Variants in KCNQ1 observed in about 807,000 individuals in gnomAD.
KCNQ1 encodes the protein potassium voltage-gated channel subfamily Q member 1.
In KCNQ1, 49 loss-of-function variants were observed where a neutral mutation model predicts 72.4. The ratio of observed to expected loss-of-function variants is 0.68; its 90% CI spans 0.54 to 0.86. The LOEUF (loss-of-function observed/expected upper bound fraction) is 0.86. KCNQ1 is among the 40% of genes least tolerant of loss of function. KCNQ1 has a pLI of 0.00. For missense variants in KCNQ1, 790 were observed against 945.1 expected (o/e 0.84, Z 2.15); for synonymous variants, 450 against 412.6 (o/e 1.09, Z -1.10).
At chr11:2,465,589 T>C (rs112720333) in intron 1 of KCNQ1, among the ~76,000 whole-genome samples, 1,744 of 152,318 alleles carry the variant, frequency 0.011, 29 homozygotes, top group African/African-American at 0.039. Context: ...TGCCCCGTGC[T>C]GGCCCCTCTC....
At chr11:2,756,109 G>A (rs1038527416) in intron 11 of KCNQ1, among the ~76,000 whole-genome samples, 5 of 152,178 alleles carry the variant, frequency 3.3e-5, no homozygotes, top group Admixed American at 2.6e-4. Flanking sequence ...CACTTTAAAA[G>A]GGTGGCATCA....
At chr11:2,811,682 C>G (rs552315870) in intron 15 of KCNQ1, among the ~76,000 whole-genome samples, 1 of 152,310 alleles carries the variant, frequency 6.6e-6, no homozygotes, top group African/African-American at 2.4e-5. Flanking sequence ...GCGCGCAGCA[C>G]AAGGGTCAGC....
intron 10 of KCNQ1, chr11:2,649,933 T>C (rs79166627): frequency 0.013 from 5,123 of 398,522 alleles, 156 homozygotes; most frequent in East Asian, 0.079. Flanking sequence ...ATGTGAAATA[T>C]TGTTAGCTTA....
At chr11:2,662,129 C>CTTG (rs1849970483) in intron 11 of KCNQ1, 48 bp downstream of exon 11, 3 of 1,612,012 alleles carry the variant, frequency 1.9e-6, no homozygotes, top group Non-Finnish European at 2.5e-6. Context: ...GGGACTGGAG[C>CTTG]TCAAGGAGTC....
chr11:2,563,278 C>T lies in KCNQ1; in HGVS notation c.478-7350C>T, dbSNP rs1336956906. ...GTCGACCTTCAGCCTTCTCGGAGAA[C>T]ACCGGTTCCACGGCCGGTTGCAACA... is the stretch of plus-strand genomic sequence containing the variant. On this transcript the variant is annotated intron_variant, in intron 2 of 15. Coordinates refer to ENST00000155840, the MANE Select transcript of KCNQ1 (RefSeq NM_000218.3). This position sits in a 1 kb window ranked among gnomAD's most constrained non-coding sequence, Gnocchi z 7.4. Among the ~76,000 whole-genome samples the T allele has an allele frequency of 4.7e-4, 71 of 152,362 alleles. No individual in the cohort carries two copies. Among genetic ancestry groups the T allele is most frequent in the Admixed American group, 4.5e-3 (69 of 15,304 alleles).
chr11:2,592,621 G>T lies in KCNQ1; in HGVS notation c.1393+3767G>T, dbSNP rs1848685189. 6.6e-6 allele frequency among the ~76,000 whole-genome samples: 1 copy of T among 152,200 alleles called. No individual in the cohort carries two copies. Among genetic ancestry groups the T allele is most frequent in the Non-Finnish European group, 1.5e-5 (1 of 68,026 alleles). ...GAAGCGTCACAGACTCCTCATGAAG[G>T]ATGCATGGGGACCCAACCGCATGCC... On this transcript the variant is annotated intron_variant, in intron 10 of 15. Transcript: ENST00000155840. This position sits in a 1 kb window ranked among gnomAD's most constrained non-coding sequence, Gnocchi z 5.2.
At chr11:2,667,816 G>C (rs974783434) in intron 11 of KCNQ1, 8 of 398,558 alleles carry the variant, frequency 2.0e-5, no homozygotes, top group Non-Finnish European at 3.1e-5. Flanking sequence ...CCCTGGTATA[G>C]GGTGGTGGTG....
rs1846052273 is a variant in KCNQ1 at position 2,447,274 on chromosome 11, G to GGGGTGGCTTCTGGGGACAGGGGCA, written c.386+1793_386+1816dup. Among the ~76,000 whole-genome samples, 1 of 152,208 alleles carries GGGGTGGCTTCTGGGGACAGGGGCA rather than the reference G, an allele frequency of 6.6e-6. No individual in the cohort carries two copies. Among genetic ancestry groups the GGGGTGGCTTCTGGGGACAGGGGCA allele is most frequent in the Non-Finnish European group, 1.5e-5 (1 of 68,036 alleles). ...CAGCCTCCGCAGAGCTGGCAAGGCAGGGGTGGCTTCTGGGGACAGGGGCAG... is the reference window on the plus strand; with the variant it reads ...CAGCCTCCGCAGAGCTGGCAAGGCAGGGGTGGCTTCTGGGGACAGGGGCAGGGTGGCTTCTGGGGACAGGGGCAG... On this transcript the variant is annotated intron_variant, in intron 1 of 15. Coordinates refer to ENST00000155840, the MANE Select transcript of KCNQ1 (RefSeq NM_000218.3). The surrounding 1 kb of genome is among the most constrained non-coding windows in gnomAD (Gnocchi z 7.6).
intron 1 of KCNQ1, among the ~76,000 whole-genome samples, chr11:2,505,429 G>A (rs1306590359): frequency 6.6e-6 from 1 of 152,136 alleles, no homozygotes; most frequent in Non-Finnish European, 1.5e-5. Flanking sequence ...GTGCACTTGG[G>A]ATGCACATGC....
chr11:2,754,917 A>G (rs2283227), intron 11 of KCNQ1, among the ~76,000 whole-genome samples: 2,592 of 152,308 alleles, frequency 0.017, 119 homozygotes, highest in East Asian at 0.14. Context: ...CAAGTTGCAG[A>G]CTGGCGATTG....
chr11:2,688,418 C>A (rs1322279921), intron 11 of KCNQ1: 2 of 398,678 alleles, frequency 5.0e-6, no homozygotes, highest in Non-Finnish European at 8.8e-6. Context: ...TGTGTAGGCA[C>A]TGGGCCCCAG....
At chr11:2,770,139 C>A (rs1304875768) in intron 12 of KCNQ1, among the ~76,000 whole-genome samples, 2 of 152,164 alleles carry the variant, frequency 1.3e-5, no homozygotes, top group East Asian at 3.9e-4. Flanking sequence ...GTCTTTCACA[C>A]CAGGCCACAC....
intron 11 of KCNQ1, among the ~76,000 whole-genome samples, chr11:2,741,105 A>G (rs1469970049): frequency 6.6e-6 from 1 of 152,180 alleles, no homozygotes. Context: ...GCTTGGACAC[A>G]TGACCAGCTC....
chr11:2,707,818 C>T (rs542684251), intron 11 of KCNQ1, among the ~76,000 whole-genome samples: 64 of 152,370 alleles, frequency 4.2e-4, no homozygotes, highest in Middle Eastern at 6.8e-3. Flanking sequence ...ATCCCTCCCC[C>T]TCTGCCACAC....
At chr11:2,630,423 T>C (rs962788730) in intron 10 of KCNQ1, 6 of 398,260 alleles carry the variant, frequency 1.5e-5, no homozygotes, top group Middle Eastern at 6.2e-4. Flanking sequence ...ATGCTAGCCT[T>C]GTAAAATAAG....
intron 15 of KCNQ1, among the ~76,000 whole-genome samples, chr11:2,843,638 G>A (rs140226783): frequency 3.3e-4 from 51 of 152,372 alleles, no homozygotes; most frequent in East Asian, 1.9e-3. Context: ...GGTCCTAGGC[G>A]GGGATCAAGG....
At chr11:2,560,222 G>A (rs1471760606) in intron 2 of KCNQ1, among the ~76,000 whole-genome samples, 1 of 76,586 alleles carries the variant, frequency 1.3e-5, no homozygotes, top group Non-Finnish European at 2.6e-5. Context: ...GAGGCGTGAC[G>A]TCCATCCTTG....
rs79850634 is a variant in KCNQ1, at chr11:2,847,469, A to G, written c.1795-298A>G. Among the ~76,000 whole-genome samples the G allele has an allele frequency of 0.029, 4,470 of 152,288 alleles. 247 individuals are homozygous for G. Among genetic ancestry groups the G allele is most frequent in the African/African-American group, 0.1 (4,151 of 41,546 alleles). On this transcript the variant is annotated intron_variant, in intron 15 of 15. Transcript: ENST00000155840. Reference sequence around the variant, plus strand: ...AGGCCGGCCAGCCTGGGGAGCAGAGAAGGAGGAGAGGAGAGCTCCTGGCCC... The same window carrying G: ...AGGCCGGCCAGCCTGGGGAGCAGAGGAGGAGGAGAGGAGAGCTCCTGGCCC...
rs1848208560 is a variant in KCNQ1 at position 2,563,828 on chromosome 11, G to C, written c.478-6800G>C. ...CTGTCTTCATCCTGAGAGGGCTCAA[G>C]GTCTGCATGCCATTTTGCAATTGAC... On this transcript the variant is annotated intron_variant, in intron 2 of 15. Coordinates refer to ENST00000155840, the MANE Select transcript of KCNQ1 (RefSeq NM_000218.3). This position sits in a 1 kb window ranked among gnomAD's most constrained non-coding sequence, Gnocchi z 7.4. Among the ~76,000 whole-genome samples the C allele has an allele frequency of 6.6e-6, 1 of 152,238 alleles. No homozygotes were observed.
Sources: gnomAD v4.1 joint callset for allele counts (sites outside exome capture counted in the v4.1 genomes callset) on GRCh38, gnomAD v4.1.1 for gene constraint, Gnocchi (gnomAD v3.1) non-coding constraint, MANE v1.5 for transcripts, NCBI Gene and HGNC (gene_info 2026-07-23, HGNC 2026-07-21) for gene names.